The following LARGE1 variants were observed in gnomAD, a reference collection of about 807,000 sequenced individuals.
LARGE1 encodes the protein xylosyl- and glucuronyltransferase LARGE1.
LARGE1 carries 43 observed loss-of-function variants against 87.6 expected under a neutral mutation model. The observed-to-expected ratio is 0.49, with a 90% CI of 0.38 to 0.63. The LOEUF (loss-of-function observed/expected upper bound fraction) is 0.63. Ranked by LOEUF, LARGE1 falls within the 30% of genes least tolerant of loss-of-function variation. The pLI, the probability that LARGE1 is intolerant of heterozygous loss-of-function variation, is 0.00. For synonymous variants in LARGE1, 434 were observed against 394.6 expected, an observed-to-expected ratio of 1.10 and a Z score of -1.18; for missense variants, 802 against 1,000.2, an observed-to-expected ratio of 0.80 and a Z score of 2.67.
chr22:33,268,725 C>T (rs943412968), downstream of LARGE1, among the ~76,000 whole-genome samples: 25 of 152,100 alleles, frequency 1.6e-4, no homozygotes, highest in Admixed American at 4.6e-4. Flanking sequence ...CCGCGCCCGG[C>T]CTAGTTGTTA....
chr22:33,141,190 T>TCACACACA, the LARGE1 span, among the ~76,000 whole-genome samples: 8 of 147,348 alleles, frequency 5.4e-5, no homozygotes, highest in East Asian at 2.0e-4. Flanking sequence ...TCTCTCTCTC[T>TCACACACA]CTCTCACACA....
intron 7 of LARGE1, among the ~76,000 whole-genome samples, chr22:33,427,950 G>A (rs1245229712): frequency 1.3e-5 from 2 of 152,254 alleles, no homozygotes; most frequent in East Asian, 3.8e-4. Context: ...AAAACACAGC[G>A]AGGAAGCTGA....
chr22:33,687,207 C>T (rs1229756747), intron 2 of LARGE1, among the ~76,000 whole-genome samples: 1 of 148,992 alleles, frequency 6.7e-6, no homozygotes, highest in African/African-American at 2.5e-5. Context: ...ATTACCCAGG[C>T]TGGTCTCAAA....
chr22:33,214,369 T>G (rs1240212836), intron 11 of LARGE1, among the ~76,000 whole-genome samples: 1 of 152,102 alleles, frequency 6.6e-6, no homozygotes, highest in East Asian at 1.9e-4. Flanking sequence ...GAACTAATCT[T>G]AACTTAATTG....
At chr22:33,566,607 A>T (rs1343031756) in intron 5 of LARGE1, among the ~76,000 whole-genome samples, 1 of 152,200 alleles carries the variant, frequency 6.6e-6, no homozygotes, top group Non-Finnish European at 1.5e-5. Flanking sequence ...AGAGCGAAAG[A>T]ACAAAGCTTC....
At position 33,291,815 on chromosome 22, in the gene LARGE1, G is replaced by A. The variant is rs147883760; in HGVS notation, c.1731-8467C>T. Among the ~76,000 whole-genome samples the A allele has an allele frequency of 2.4e-3, 369 of 151,974 alleles. 3 individuals carry two copies. The highest frequency in any genetic ancestry group is 9.9e-3 in the East Asian group (51 of 5,148). ...GTGTTCAAAGAACCATCTTGGGGCC[G>A]GGCGTGGTGGCTCACACCTATAATC... On this transcript the variant is annotated intron_variant, in intron 12 of 14. Transcript: ENST00000397394.
At chr22:33,120,418 CTT>C in the LARGE1 span, among the ~76,000 whole-genome samples, 1 of 132,076 alleles carries the variant, frequency 7.6e-6, no homozygotes, top group East Asian at 2.4e-4. Flanking sequence ...TTCCTTCTTT[CTT>C]TCTTTCTCTC....
intron 1 of LARGE1, among the ~76,000 whole-genome samples, chr22:33,914,968 A>G (rs1228224737): frequency 6.6e-6 from 1 of 151,550 alleles, no homozygotes; most frequent in African/African-American, 2.4e-5. Flanking sequence ...TCTCCCAATC[A>G]ACATAGGGAT....
chr22:33,747,207 C>T (rs916561613), intron 2 of LARGE1, among the ~76,000 whole-genome samples: 19 of 152,078 alleles, frequency 1.2e-4, no homozygotes, highest in Non-Finnish European at 2.2e-4. Flanking sequence ...CTAAGCTTCC[C>T]GAGGAGAGGA....
intron 12 of LARGE1, among the ~76,000 whole-genome samples, chr22:33,301,442 C>A (rs999600393): frequency 8.5e-5 from 13 of 152,132 alleles, no homozygotes; most frequent in African/African-American, 2.9e-4. Context: ...TGCTCCAAAT[C>A]ATCATCTAAA....
chr22:33,278,936 T>A (rs1428873960), intron 13 of LARGE1, among the ~76,000 whole-genome samples: 4 of 152,074 alleles, frequency 2.6e-5, no homozygotes, highest in Non-Finnish European at 5.9e-5. Flanking sequence ...GCCAGGATGG[T>A]CTCCATCTCT....
the LARGE1 span, among the ~76,000 whole-genome samples, chr22:33,093,279 A>G: frequency 2.0e-5 from 3 of 152,220 alleles, no homozygotes; most frequent in Admixed American, 1.3e-4. Context: ...GTAAGGGGTG[A>G]AAAAGAAAGG....
At position 33,330,678 on chromosome 22, in the gene LARGE1, G is replaced by A. The variant is rs546850268; in HGVS notation, c.1287+6968C>T. ...GATGCCCAAACTATGAGAGACAAGTGGCTGTGACCAATTAGCTACTGTCAT... is the reference window on the plus strand; with the variant it reads ...GATGCCCAAACTATGAGAGACAAGTAGCTGTGACCAATTAGCTACTGTCAT... On this transcript the variant is annotated intron_variant, in intron 10 of 14. Transcript: ENST00000397394. Among the ~76,000 whole-genome samples the A allele has an allele frequency of 5.9e-5, 9 of 152,260 alleles. No individual in the cohort carries two copies. In the East Asian group the frequency reaches 1.7e-3, roughly 29 times the overall value.
intron 1 of LARGE1, among the ~76,000 whole-genome samples, chr22:33,866,445 G>A (rs923820090): frequency 1.3e-5 from 2 of 152,184 alleles, no homozygotes; most frequent in African/African-American, 4.8e-5. Flanking sequence ...AACATCGGAT[G>A]GTGCAGATGG....
intron 1 of LARGE1, among the ~76,000 whole-genome samples, chr22:33,878,504 T>C (rs761173810): frequency 2.6e-5 from 4 of 152,196 alleles, no homozygotes; most frequent in Admixed American, 2.6e-4. Context: ...AGGCAATTCC[T>C]TTCTCAAAGG....
At chr22:33,328,401 G>A (rs1477804638) in intron 10 of LARGE1, among the ~76,000 whole-genome samples, 1 of 152,046 alleles carries the variant, frequency 6.6e-6, no homozygotes, top group African/African-American at 2.4e-5. Flanking sequence ...CCAAGATGGT[G>A]AAACCCCAGC....
chr22:33,331,972 A>G (rs1287505941), intron 10 of LARGE1, among the ~76,000 whole-genome samples: 2 of 151,998 alleles, frequency 1.3e-5, no homozygotes, highest in Non-Finnish European at 2.9e-5. Context: ...CACTACCACT[A>G]TTTTGGCACT....
chr22:33,329,279 T>C (rs1405405941), intron 10 of LARGE1, among the ~76,000 whole-genome samples: 1 of 151,234 alleles, frequency 6.6e-6, no homozygotes, highest in African/African-American at 2.4e-5. Context: ...GACTTACAAT[T>C]CCATATACAT....
At position 33,558,198 on chromosome 22, in the gene LARGE1, A is replaced by G. The variant is rs189678746; in HGVS notation, c.787+6650T>C. Among the ~76,000 whole-genome samples, 960 of 152,320 alleles carry G rather than the reference A, an allele frequency of 6.3e-3. 9 individuals are homozygous for G. Among genetic ancestry groups the G allele is most frequent in the African/African-American group, 0.022 (917 of 41,576 alleles). On this transcript the variant is annotated intron_variant, in intron 6 of 14. Coordinates refer to ENST00000397394, the MANE Select transcript of LARGE1 (RefSeq NM_133642.5). ...AGGGGGCACACTGGGCCAGCCAAGA[A>G]GGGAAGCCTTTAATCAGGAAAATCT...
Sources: gnomAD v4.1 joint callset for allele counts (sites outside exome capture counted in the v4.1 genomes callset) on GRCh38, gnomAD v4.1.1 for gene constraint, MANE v1.5 for transcripts, NCBI Gene and HGNC (gene_info 2026-07-23, HGNC 2026-07-21) for gene names.